MCOLN2: variants seen among roughly 807,000 people sequenced by gnomAD.
The protein encoded by MCOLN2 is mucolipin TRP cation channel 2.
MCOLN2 carries 57 observed loss-of-function variants against 67.5 expected under a neutral mutation model. The ratio of observed to expected loss-of-function variants is 0.84; its 90% CI spans 0.68 to 1.05. The LOEUF (loss-of-function observed/expected upper bound fraction) is 1.05, where lower values mean the gene tolerates loss of function less well. Among genes scored for constraint, MCOLN2 ranks in the 50% least tolerant of loss-of-function variants. The probability of loss-of-function intolerance (pLI) is 0.00; values close to 1 mark genes in which losing one functional copy is unlikely to be tolerated. For synonymous variants in MCOLN2, 246 were observed against 233.3 expected, an observed-to-expected ratio of 1.05 and a Z score of -0.50; for missense variants, 620 against 678.8, an observed-to-expected ratio of 0.91 and a Z score of 0.96.
At chr1:84,941,495 T>G (rs2102817456) in intron 7 of MCOLN2, among the ~76,000 whole-genome samples, 1 of 151,952 alleles carries the variant, frequency 6.6e-6, no homozygotes, top group Middle Eastern at 3.4e-3. Context: ...AGATTCTGTC[T>G]CAAAACAAAA....
chr1:84,937,089 T>C (rs561032815), intron 11 of MCOLN2, among the ~76,000 whole-genome samples: 4 of 152,352 alleles, frequency 2.6e-5, no homozygotes. Context: ...TTTTACTTTT[T>C]TGGGTTAAAA....
At position 84,939,588 on chromosome 1, in the gene MCOLN2, T is replaced by G. The variant is rs760850585; in HGVS notation, c.1075A>C (p.Ile359Leu). 1 of 1,614,118 alleles carries G rather than the reference T, an allele frequency of 6.2e-7. No homozygotes were observed. The highest frequency in any genetic ancestry group is 2.2e-5 in the East Asian group (1 of 44,866). The change falls in exon 9 of 14, where the codon ATT becomes CTT. Residue 359 changes from isoleucine to leucine, a missense_variant. Ile to Leu is a conservative substitution (Grantham distance 5, BLOSUM62 2). Transcript: ENST00000370608. ...LVIISDLMTI[I>L]GSILKMEIKA... ...ATTTCCATTTTTAATATGGAGCCAA[T>G]GATTGTCATTAGGTCGCTGATAATC...
chr1:84,975,596 A>G (rs1426660978), intron 1 of MCOLN2, among the ~76,000 whole-genome samples: 1 of 152,122 alleles, frequency 6.6e-6, no homozygotes, highest in Non-Finnish European at 1.5e-5. Flanking sequence ...GACTACAATA[A>G]ATTCCTAACT....
At chr1:84,939,897 A>G (rs547006329) in intron 8 of MCOLN2, among the ~76,000 whole-genome samples, 195 bp from the exon 9 acceptor site, 1 of 152,200 alleles carries the variant, frequency 6.6e-6, no homozygotes, top group Non-Finnish European at 1.5e-5. Context: ...TTGTCTGTGA[A>G]GTTACCTCAA....
At chr1:84,940,687 C>T (rs1272808081) in intron 8 of MCOLN2, among the ~76,000 whole-genome samples, 192 bp downstream of exon 8, 1 of 152,220 alleles carries the variant, frequency 6.6e-6, no homozygotes, top group African/African-American at 2.4e-5. Flanking sequence ...TCCCACTTGA[C>T]ATACTCAGAG....
At chr1:84,966,145 G>A (rs963783764) in intron 1 of MCOLN2, among the ~76,000 whole-genome samples, 13 of 151,978 alleles carry the variant, frequency 8.6e-5, no homozygotes, top group East Asian at 7.7e-4. Context: ...TCAGTTTCTC[G>A]GGAGGCTGAG....
intron 1 of MCOLN2, among the ~76,000 whole-genome samples, chr1:84,979,432 A>T (rs1373930029): frequency 6.6e-6 from 1 of 152,230 alleles, no homozygotes; most frequent in Non-Finnish European, 1.5e-5. Flanking sequence ...CAACTAAAAT[A>T]CTAGCAAACC....
intron 1 of MCOLN2, among the ~76,000 whole-genome samples, chr1:84,981,236 A>C (rs182579429): frequency 6.6e-6 from 1 of 152,364 alleles, no homozygotes; most frequent in East Asian, 1.9e-4. Flanking sequence ...CACTATGGAG[A>C]ACAGTTTGGA....
At chr1:84,987,521 T>TATGTATATATCTATGTATACATAG (rs1650628571) in intron 1 of MCOLN2, among the ~76,000 whole-genome samples, 2 of 58,704 alleles carry the variant, frequency 3.4e-5, no homozygotes, top group African/African-American at 1.1e-4. Flanking sequence ...CATATGTATA[T>TATGTATATATCTATGTATACATAG]ATGTATACAT....
At chr1:84,969,549 T>C (rs547904973) in intron 1 of MCOLN2, among the ~76,000 whole-genome samples, 20 of 141,936 alleles carry the variant, frequency 1.4e-4, no homozygotes, top group African/African-American at 5.3e-4. Flanking sequence ...CCAGTCTGGA[T>C]GACAGAGTAA....
intron 1 of MCOLN2, among the ~76,000 whole-genome samples, chr1:84,994,791 C>G (rs1651069800): frequency 6.6e-6 from 1 of 152,192 alleles, no homozygotes; most frequent in South Asian, 2.1e-4. Flanking sequence ...TTATAATTTC[C>G]TTCAAGAACA....
At chr1:84,960,751 C>A (rs1217227498) in intron 2 of MCOLN2, among the ~76,000 whole-genome samples, 1 of 152,196 alleles carries the variant, frequency 6.6e-6, no homozygotes, top group Non-Finnish European at 1.5e-5. Flanking sequence ...GCAACACATA[C>A]ATGATTGCTT....
chr1:84,988,607 T>G (rs1650732026), intron 1 of MCOLN2, among the ~76,000 whole-genome samples: 1 of 152,188 alleles, frequency 6.6e-6, no homozygotes, highest in South Asian at 2.1e-4. Context: ...TCACTGTCTA[T>G]GCACTGCAGC....
At chr1:84,977,149 T>A (rs530661821) in intron 1 of MCOLN2, among the ~76,000 whole-genome samples, 1 of 152,196 alleles carries the variant, frequency 6.6e-6, no homozygotes, top group Non-Finnish European at 1.5e-5. Context: ...GCTTGTTTGT[T>A]TATGCAAATA....
At chr1:84,961,810 A>G (rs1275433230) in intron 2 of MCOLN2, among the ~76,000 whole-genome samples, 1 of 152,208 alleles carries the variant, frequency 6.6e-6, no homozygotes, top group Admixed American at 6.5e-5. Context: ...TTAAGACCTC[A>G]TTATGAAATC....
intron 1 of MCOLN2, among the ~76,000 whole-genome samples, chr1:84,970,628 A>T (rs1223150190): frequency 6.6e-6 from 1 of 152,176 alleles, no homozygotes; most frequent in Non-Finnish European, 1.5e-5. Flanking sequence ...GGTTGCAGTG[A>T]GCCAAGATTG....
At chr1:84,939,519 T>G in intron 9 of MCOLN2, 34 bp downstream of exon 9, 1 of 1,607,174 alleles carries the variant, frequency 6.2e-7, no homozygotes, top group Non-Finnish European at 8.5e-7. Context: ...CAGGAGAAGA[T>G]GAAGAACAGA....
chr1:84,931,217 A>T (rs1171128170), intron 12 of MCOLN2, 145 bp downstream of exon 12: 2 of 616,322 alleles, frequency 3.2e-6, no homozygotes, highest in African/African-American at 1.9e-5. Context: ...ATGCCCTAAA[A>T]TTCATCTCCA....
At chr1:84,952,375 AATC>A in intron 5 of MCOLN2, 36 bp from the exon 6 acceptor site, 1 of 1,581,106 alleles carries the variant, frequency 6.3e-7, no homozygotes, top group Non-Finnish European at 8.7e-7. Flanking sequence ...AAATTGTCAT[AATC>A]TTACTATATA....
Sources: allele counts gnomAD v4.1 joint callset (sites outside exome capture counted in the v4.1 genomes callset), GRCh38; gene constraint gnomAD v4.1.1; transcripts MANE v1.5; gene names NCBI Gene and HGNC (gene_info 2026-07-23, HGNC 2026-07-21).